MRGBP: variants seen among roughly 807,000 people sequenced by gnomAD.
MRGBP encodes the protein MRG domain binding protein, also known as MRG/MORF4L-binding protein.
MRGBP carries 5 observed loss-of-function variants against 21.5 expected under a neutral mutation model. The ratio of observed to expected loss-of-function variants is 0.23; its 90% CI spans 0.12 to 0.49. The LOEUF (loss-of-function observed/expected upper bound fraction) is 0.49. Among genes scored for constraint, MRGBP ranks in the 20% least tolerant of loss-of-function variants. The pLI is 0.98. For missense variants in MRGBP, 227 were observed against 277.4 expected (o/e 0.82, Z 1.29); for synonymous variants, 118 against 104.4 (o/e 1.13, Z -0.79).
At chr20:62,799,198 C>T (rs1239957772) in intron 4 of MRGBP, 149 bp downstream of exon 4, 10 of 890,184 alleles carry the variant, frequency 1.1e-5, no homozygotes, top group Non-Finnish European at 1.5e-5. Flanking sequence ...CCTGCAGTGC[C>T]CCCTCCCCAG....
At chr20:62,796,814 C>T (rs1196846283) in intron 1 of MRGBP, 143 bp downstream of exon 1, 1 of 845,798 alleles carries the variant, frequency 1.2e-6, no homozygotes, top group East Asian at 6.4e-5. Context: ...GTCCCGGGAC[C>T]CCCGCCCCCT....
In MRGBP at chr20:62,799,960, G is replaced by T; in HGVS notation, c.*317G>T. On this transcript the variant is annotated 3_prime_UTR_variant, in exon 5 of 5. Transcript: ENST00000370487. ...TGGCTGCTTGGTGACATGGATTAGCGCTACGTGGGCTGCAGCATTTGGGAT... is the reference window on the plus strand; with the variant it reads ...TGGCTGCTTGGTGACATGGATTAGCTCTACGTGGGCTGCAGCATTTGGGAT... The T allele has an allele frequency of 3.5e-6, 1 of 287,594 alleles. No individual in the cohort carries two copies. The highest frequency in any genetic ancestry group is 6.5e-6 in the Non-Finnish European group (1 of 153,556). The allele number at this position is 287,594 out of a possible 1,614,324, so 17.8% of individuals were successfully genotyped here.
chr20:62,799,653 C>T lies in MRGBP; in HGVS notation c.*10C>T, dbSNP rs1399486639. 1.9e-6 allele frequency: 3 copies of T among 1,602,448 alleles called. No homozygotes were observed. The highest frequency in any genetic ancestry group is 1.7e-5 in the Admixed American group (1 of 58,810). On this transcript the variant is annotated 3_prime_UTR_variant, in exon 5 of 5. Transcript: ENST00000370487. ...GCGGCGCCGCACGTAGACCCTCAGC[C>T]CTGGTGGCGGCAGAGAAGCGGGCGA... is the stretch of plus-strand genomic sequence containing the variant.
chr20:62,797,367 T>G, intron 2 of MRGBP, 136 bp downstream of exon 2: 1 of 1,213,698 alleles, frequency 8.2e-7, no homozygotes, highest in Non-Finnish European at 1.1e-6. Flanking sequence ...GGCCCCTCCA[T>G]GCCTGCTGGG....
At position 62,800,007 on chromosome 20, in the gene MRGBP, C is replaced by T. The variant is rs1361478005; in HGVS notation, c.*364C>T. 4.8e-6 allele frequency: 1 copy of T among 210,446 alleles called. No individual in the cohort carries two copies. The highest frequency in any genetic ancestry group is 9.5e-6 in the Non-Finnish European group (1 of 105,796). 13.0% of individuals were successfully genotyped at this position (210,446 alleles called of 1,614,324 possible). ...GGATCCAGGCTACCTAGAGGGGCAT[C>T]GGGCCAGGGAAAACCTCGGATTAGC... On this transcript the variant is annotated 3_prime_UTR_variant, in exon 5 of 5. Coordinates refer to ENST00000370487, the MANE Select transcript of MRGBP (RefSeq NM_018270.6).
At chr20:62,796,717 CGGCGG>C (rs1305895757) in intron 1 of MRGBP, 46 bp downstream of exon 1, 37 of 1,235,404 alleles carry the variant, frequency 3.0e-5, no homozygotes, top group South Asian at 7.4e-5. Flanking sequence ...GGCGGGCAAC[CGGCGG>C]GGCGGGGCGG....
In MRGBP at chr20:62,799,935, T is replaced by C. The variant is rs1990421864; in HGVS notation, c.*292T>C. On this transcript the variant is annotated 3_prime_UTR_variant, in exon 5 of 5. Transcript: ENST00000370487. Reference sequence around the variant, plus strand: ...CTCTGGAGCAGCTGTGGCTTCCCCGTGGCTGCTTGGTGACATGGATTAGCG... The same window carrying C: ...CTCTGGAGCAGCTGTGGCTTCCCCGCGGCTGCTTGGTGACATGGATTAGCG... 1 of 349,358 alleles carries C rather than the reference T, an allele frequency of 2.9e-6. No homozygotes were observed. The highest frequency in any genetic ancestry group is 5.2e-6 in the Non-Finnish European group (1 of 191,920). The allele number at this position is 349,358 out of a possible 1,614,324, so 21.6% of individuals were successfully genotyped here.
chr20:62,797,251 C>T lies in MRGBP; in HGVS notation c.270+20C>T, dbSNP rs1990357819. ...GCGCTGGTGAGCCCAACCGCCCTCC[C>T]TGTGCCGCCCGATGGGGGCACGAAC... On this transcript the variant is annotated intron_variant, in intron 2 of 4. Transcript: ENST00000370487. 6.5e-7 allele frequency: 1 copy of T among 1,538,464 alleles called. No individual in the cohort carries two copies. The highest frequency in any genetic ancestry group is 8.8e-7 in the Non-Finnish European group (1 of 1,142,700).
chr20:62,798,573 C>T lies in MRGBP; in HGVS notation c.271-14C>T. 1.2e-6 allele frequency: 2 copies of T among 1,609,228 alleles called. No individual in the cohort carries two copies. Among genetic ancestry groups the T allele is most frequent in the South Asian group, 2.2e-5 (2 of 90,896 alleles). On this transcript the variant is annotated splice_polypyrimidine_tract_variant and intron_variant, in intron 2 of 4. Transcript: ENST00000370487. ...ACCCTTGTTTCTTAAACAAAACTCT[C>T]TATTTGATATCAGCATGAGTCTGAG...
chr20:62,797,916 T>G (rs978274920), intron 2 of MRGBP, among the ~76,000 whole-genome samples: 6 of 150,288 alleles, frequency 4.0e-5, no homozygotes, highest in South Asian at 2.1e-4. Flanking sequence ...GAGAGTGGGG[T>G]GGGGGTCAGG....
chr20:62,797,270 C>T (rs1387571491), intron 2 of MRGBP, 39 bp downstream of exon 2: 1 of 1,513,314 alleles, frequency 6.6e-7, no homozygotes, highest in African/African-American at 1.4e-5. Flanking sequence ...CCGATGGGGG[C>T]ACGAACCCGC....
At chr20:62,796,739 C>A in intron 1 of MRGBP, 68 bp downstream of exon 1, 1 of 1,178,264 alleles carries the variant, frequency 8.5e-7, no homozygotes, top group Non-Finnish European at 1.0e-6. Context: ...GCGGGGCCTG[C>A]GCTCGCGACA....
chr20:62,796,784 G>A lies in MRGBP; in HGVS notation c.148+113G>A, dbSNP rs1314141707. ...CCACGCTCCCCGCCGAGCCCGGGCC[G>A]TGACACCGCCGCCACACCCGTCCCG... On this transcript the variant is annotated intron_variant, in intron 1 of 4. Coordinates refer to ENST00000370487, the MANE Select transcript of MRGBP (RefSeq NM_018270.6). 10 of 1,022,170 alleles carry A rather than the reference G, an allele frequency of 9.8e-6. No homozygotes were observed. In the South Asian group the frequency reaches 4.8e-4, roughly 49 times the overall value. 63.3% of individuals were successfully genotyped at this position (1,022,170 alleles called of 1,614,324 possible). A position where few individuals can be genotyped will look rare whatever the true frequency, so the allele number is the denominator to read the frequency against.
chr20:62,797,272 C>A, intron 2 of MRGBP, 41 bp downstream of exon 2: 1 of 1,512,494 alleles, frequency 6.6e-7, no homozygotes, highest in Admixed American at 2.2e-5. Context: ...GATGGGGGCA[C>A]GAACCCGCAC....
Position 62,798,101 on chromosome 20 carries a change from C to T in MRGBP, c.271-486C>T, listed in dbSNP as rs189339252. 2.0e-5 allele frequency among the ~76,000 whole-genome samples: 3 copies of T among 152,366 alleles called. No homozygotes were observed. The East Asian group carries it at 5.8e-4, about 29-fold the overall frequency. On this transcript the variant is annotated intron_variant, in intron 2 of 4. Transcript: ENST00000370487. Reference sequence around the variant, plus strand: ...TCTTCTTCTTTGCCTGGTTCTGTGCCTGTGGCGCTCCCAACCGACACCCTC... The same window carrying T: ...TCTTCTTCTTTGCCTGGTTCTGTGCTTGTGGCGCTCCCAACCGACACCCTC...
In MRGBP at chr20:62,799,504, A is replaced by G. The variant is rs369540111; in HGVS notation, c.476A>G (p.Lys159Arg). Reference sequence around the variant, plus strand: ...GGGAAAGCATCAGAAAAATCCAGCAAAGACAAAGAGAAGAACTCCTCAGAC... The same window carrying G: ...GGGAAAGCATCAGAAAAATCCAGCAGAGACAAAGAGAAGAACTCCTCAGAC... ...SLGKASEKSS[K>R]DKEKNSSDLG... is the part of the protein sequence containing the mutation. Residue 159 changes from lysine (K) to arginine (R), a missense_variant, in exon 5 of 5, where the codon AAA becomes AGA. Physicochemically the swap from Lys to Arg is conservative, Grantham distance 26. This residue lies in a region of MRGBP where 162 missense variants were observed against 227.7 expected (regional missense o/e 0.71). Coordinates refer to ENST00000370487, the MANE Select transcript of MRGBP (RefSeq NM_018270.6). 3 of 1,613,852 alleles carry G rather than the reference A, an allele frequency of 1.9e-6. No individual in the cohort carries two copies. Among genetic ancestry groups the G allele is most frequent in the African/African-American group, 1.3e-5 (1 of 75,058 alleles).
Position 62,797,184 on chromosome 20 carries a change from A to G in MRGBP, c.223A>G (p.Lys75Glu). ...GAACATCGGGCGGCAGGTCCCATCC[A>G]AGGTCATCTGGGACCATCTGAGCAC... is the stretch of plus-strand genomic sequence containing the variant. ...SQNIGRQVPS[K>E]VIWDHLSTMY... Residue 75 changes from lysine (K) to glutamate (E), a missense_variant, in exon 2 of 5, where the codon AAG becomes GAG. By Grantham distance (56) the Lys-to-Glu change is moderately conservative (BLOSUM62 1). This residue lies in a region of MRGBP where 162 missense variants were observed against 227.7 expected (regional missense o/e 0.71). Coordinates refer to ENST00000370487, the MANE Select transcript of MRGBP (RefSeq NM_018270.6). 2 of 1,605,314 alleles carry G rather than the reference A, an allele frequency of 1.2e-6. No individual in the cohort carries two copies. Among genetic ancestry groups the G allele is most frequent in the Non-Finnish European group, 1.7e-6 (2 of 1,177,104 alleles).
At chr20:62,798,759 A>C in intron 3 of MRGBP, 91 bp downstream of exon 3, 1 of 1,588,774 alleles carries the variant, frequency 6.3e-7, no homozygotes, top group Non-Finnish European at 8.6e-7. Context: ...CCGGGCCTCC[A>C]GGGAGGTGTG....
rs957403502 is a variant in MRGBP at position 62,796,498 on chromosome 20, G to A, written c.-26G>A. The A allele has an allele frequency of 8.3e-4, 931 of 1,126,432 alleles. 2 individuals are homozygous for A. The highest frequency in any genetic ancestry group is 9.7e-4 in the Non-Finnish European group (893 of 920,378). The allele number at this position is 1,126,432 out of a possible 1,614,324, so 69.8% of individuals were successfully genotyped here. A position where few individuals can be genotyped will look rare whatever the true frequency, so the allele number is the denominator to read the frequency against. On this transcript the variant is annotated 5_prime_UTR_variant, in exon 1 of 5. Coordinates refer to ENST00000370487, the MANE Select transcript of MRGBP (RefSeq NM_018270.6). ...GTGGCCGCGCCTGCTCCCGCCGGGG[G>A]CTCCTTGCTCGGCCGGGCCGCGGCC... is the stretch of plus-strand genomic sequence containing the variant.
Sources: gnomAD v4.1 joint callset for allele counts (sites outside exome capture counted in the v4.1 genomes callset) on GRCh38, gnomAD v4.1.1 for gene constraint, gnomAD v4.1.1 regional missense constraint, MANE v1.5 for transcripts, NCBI Gene and HGNC (gene_info 2026-07-23, HGNC 2026-07-21) for gene names.